MKLN1: variants seen among roughly 807,000 people sequenced by gnomAD.
The protein encoded by MKLN1 is muskelin 1.
MKLN1 carries 18 observed loss-of-function variants against 99.0 expected under a neutral mutation model. The ratio of observed to expected loss-of-function variants is 0.18; its 90% CI spans 0.13 to 0.27. The LOEUF is 0.27. MKLN1 is among the 10% of genes least tolerant of loss of function. The pLI, the probability that MKLN1 is intolerant of heterozygous loss-of-function variation, is 1.00. For synonymous variants in MKLN1, 288 were observed against 293.2 expected, an observed-to-expected ratio of 0.98 and a Z score of 0.18; for missense variants, 621 against 875.9, an observed-to-expected ratio of 0.71 and a Z score of 3.67.
At chr7:131,330,726 A>G (rs897750994) in intron 1 of MKLN1, among the ~76,000 whole-genome samples, 2 of 152,214 alleles carry the variant, frequency 1.3e-5, no homozygotes, top group Non-Finnish European at 2.9e-5. Flanking sequence ...ATTAAAAAAA[A>G]TTGAACAATT....
rs569860068 is a variant in MKLN1 at position 131,242,498 on chromosome 7, T to A, written c.-179+39524T>A. ...CTAAAGTGAGCTGTGATTGCGCCAC[T>A]GCCCTCCAGGCTGGGTGACAGAGTG... On this transcript the variant is annotated intron_variant, in intron 3 of 7. Coordinates refer to the MKLN1 transcript ENST00000416992. 4.1e-4 allele frequency: 103 copies of A among 249,832 alleles called. 1 individual carries two copies. The highest frequency in any genetic ancestry group is 2.2e-3 in the African/African-American group (95 of 43,232). 15.5% of individuals were successfully genotyped at this position (249,832 alleles called of 1,614,324 possible).
At chr7:131,469,702 C>G (rs981163442) in intron 15 of MKLN1, among the ~76,000 whole-genome samples, 2 of 152,190 alleles carry the variant, frequency 1.3e-5, no homozygotes, top group African/African-American at 4.8e-5. Flanking sequence ...GAAAATTCAT[C>G]TTTTCCTTGT....
chr7:131,434,569 T>C (rs1795623460), intron 9 of MKLN1, among the ~76,000 whole-genome samples: 1 of 152,182 alleles, frequency 6.6e-6, no homozygotes, highest in Admixed American at 6.5e-5. Flanking sequence ...TTTGTTTATT[T>C]GTTTGAGACA....
intron 3 of MKLN1, among the ~76,000 whole-genome samples, chr7:131,297,559 AG>A (rs915698528): frequency 4.6e-5 from 7 of 151,456 alleles, no homozygotes; most frequent in Admixed American, 2.6e-4. Context: ...TAGTATATAT[AG>A]GGGCCTTAGA....
chr7:131,353,111 T>G (rs1799767913), intron 1 of MKLN1, among the ~76,000 whole-genome samples: 1 of 152,166 alleles, frequency 6.6e-6, no homozygotes, highest in Admixed American at 6.5e-5. Context: ...AACATAGGTT[T>G]TTGTTTCCCT....
chr7:131,259,352 T>C (rs1343921044), intron 3 of MKLN1, among the ~76,000 whole-genome samples: 1 of 152,158 alleles, frequency 6.6e-6, no homozygotes, highest in Non-Finnish European at 1.5e-5. Context: ...CAGAATAGAA[T>C]AGTATAATGG....
intron 2 of MKLN1, among the ~76,000 whole-genome samples, chr7:131,154,320 G>A (rs1378327837): frequency 6.6e-6 from 1 of 151,836 alleles, no homozygotes; most frequent in African/African-American, 2.4e-5. Flanking sequence ...AACCTCAGAT[G>A]ATCCACCCGC....
At chr7:131,396,666 G>A (rs1379429784) in intron 4 of MKLN1, among the ~76,000 whole-genome samples, 1 of 152,076 alleles carries the variant, frequency 6.6e-6, no homozygotes, top group Non-Finnish European at 1.5e-5. Context: ...GTCATCAAAT[G>A]TGTTTTTTCT....
Position 131,221,761 on chromosome 7 carries a change from T to G in MKLN1, c.-179+18787T>G, listed in dbSNP as rs145073127. On this transcript the variant is annotated intron_variant, in intron 3 of 7. Coordinates refer to the MKLN1 transcript ENST00000416992. The stretch of plus-strand genomic sequence containing the variant: ...GTCTCGAGCTCCTGACCTTAGGTGA[T>G]CCACCCACCTTAGCCTCCCGAAGTG... Among the ~76,000 whole-genome samples the G allele has an allele frequency of 5.8e-3, 886 of 151,482 alleles. 5 individuals are homozygous for G. The highest frequency in any genetic ancestry group is 0.038 in the Middle Eastern group (11 of 292).
At chr7:131,449,771 C>A (rs1370436275) in intron 12 of MKLN1, among the ~76,000 whole-genome samples, 1 of 151,910 alleles carries the variant, frequency 6.6e-6, no homozygotes, top group Admixed American at 6.6e-5. Context: ...TTCTAATATG[C>A]GGCTGGGATT....
intron 1 of MKLN1, among the ~76,000 whole-genome samples, chr7:131,126,005 C>CAAA (rs370119710): frequency 8.3e-6 from 1 of 120,214 alleles, no homozygotes; most frequent in South Asian, 2.8e-4. Context: ...GACTCCGTCT[C>CAAA]AAAAAAAAAA....
intron 12 of MKLN1, among the ~76,000 whole-genome samples, 182 bp downstream of exon 12, chr7:131,446,085 A>G (rs1336114328): frequency 1.3e-5 from 2 of 152,108 alleles, no homozygotes; most frequent in Non-Finnish European, 2.9e-5. Flanking sequence ...TAAATATGGG[A>G]ATTACTATTT....
At chr7:131,280,407 C>T (rs1798033808) in intron 3 of MKLN1, among the ~76,000 whole-genome samples, 1 of 152,160 alleles carries the variant, frequency 6.6e-6, no homozygotes, top group South Asian at 2.1e-4. Flanking sequence ...AGTGGTGCCA[C>T]CATTTCACAT....
chr7:131,273,768 C>T (rs901921162), intron 3 of MKLN1, among the ~76,000 whole-genome samples: 3 of 151,784 alleles, frequency 2.0e-5, no homozygotes, highest in Admixed American at 6.6e-5. Context: ...GGAGCTACAG[C>T]GTGTGCCACC....
intron 3 of MKLN1, among the ~76,000 whole-genome samples, chr7:131,320,645 C>T (rs191369917): frequency 7.8e-4 from 119 of 152,184 alleles, no homozygotes; most frequent in Non-Finnish European, 1.5e-3. Context: ...AAAAGGCAAC[C>T]TACAGAATGA....
chr7:131,226,012 A>AC, intron 3 of MKLN1, among the ~76,000 whole-genome samples: 1 of 149,638 alleles, frequency 6.7e-6, no homozygotes, highest in African/African-American at 2.5e-5. Flanking sequence ...TGGCCTCTCT[A>AC]CCCCGCCTGC....
chr7:131,479,037 G>A lies in MKLN1; in HGVS notation c.2086+360G>A, dbSNP rs183866322. The A allele has an allele frequency of 3.2e-5, 6 of 185,918 alleles. No homozygotes were observed. In the South Asian group the frequency reaches 3.9e-4, roughly 12 times the overall value. 11.5% of individuals were successfully genotyped at this position (185,918 alleles called of 1,614,324 possible). On this transcript the variant is annotated intron_variant, in intron 17 of 17. Coordinates refer to ENST00000352689, the MANE Select transcript of MKLN1 (RefSeq NM_013255.5). ...ATTAAATAGTTTTTCCTCTCAGTTC[G>A]TTCTTTGTGGAATTGTGTGTCGTCA... is the stretch of plus-strand genomic sequence containing the variant.
chr7:131,149,839 C>T (rs574674835), intron 2 of MKLN1, among the ~76,000 whole-genome samples: 3 of 152,184 alleles, frequency 2.0e-5, no homozygotes, highest in African/African-American at 4.8e-5. Context: ...TGTCAAGAAT[C>T]AACTTTCTCA....
At chr7:131,409,921 G>A (rs769089252) in intron 6 of MKLN1, among the ~76,000 whole-genome samples, 127 of 152,142 alleles carry the variant, frequency 8.3e-4, no homozygotes, top group Non-Finnish European at 1.6e-3. Flanking sequence ...CGACAAATTT[G>A]CTTTAATATT....
Sources: gnomAD v4.1 joint callset for allele counts (sites outside exome capture counted in the v4.1 genomes callset) on GRCh38, gnomAD v4.1.1 for gene constraint, MANE v1.5 for transcripts, NCBI Gene and HGNC (gene_info 2026-07-23, HGNC 2026-07-21) for gene names.